The following C1orf21 variants were observed in gnomAD, a reference collection of about 807,000 sequenced individuals.
The protein encoded by C1orf21 is uncharacterized protein C1orf21.
C1orf21 carries 3 observed loss-of-function variants against 18.7 expected under a neutral mutation model. The observed-to-expected ratio is 0.16, with a 90% CI of 0.07 to 0.42. The LOEUF (loss-of-function observed/expected upper bound fraction) is 0.42. Ranked by LOEUF, C1orf21 falls within the 10% of genes least tolerant of loss-of-function variation. The pLI, the probability that C1orf21 is intolerant of heterozygous loss-of-function variation, is 0.99. For missense variants in C1orf21, 104 were observed against 143.6 expected, an observed-to-expected ratio of 0.72 and a Z score of 1.41; for synonymous variants, 41 against 46.4, an observed-to-expected ratio of 0.88 and a Z score of 0.47.
intron 1 of C1orf21, among the ~76,000 whole-genome samples, chr1:184,452,241 A>G (rs990374873): frequency 2.0e-5 from 3 of 152,212 alleles, no homozygotes; most frequent in African/African-American, 7.2e-5. Context: ...AGATGATGGT[A>G]TGGCCACCAT....
chr1:184,457,309 G>A (rs1366051398), intron 1 of C1orf21, among the ~76,000 whole-genome samples: 1 of 152,120 alleles, frequency 6.6e-6, no homozygotes, highest in Non-Finnish European at 1.5e-5. Flanking sequence ...CTGCTTTCAA[G>A]GGGTTTGTGT....
intron 1 of C1orf21, among the ~76,000 whole-genome samples, chr1:184,427,771 C>T (rs146801480): frequency 7.2e-5 from 11 of 152,290 alleles, no homozygotes; most frequent in South Asian, 2.1e-4. Flanking sequence ...TCTTTGCCAT[C>T]GGCCTTGCTT....
In C1orf21 at chr1:184,492,144, TAAAC is replaced by T. The variant is rs1657825855; in HGVS notation, c.94+14545_94+14548del. 3.3e-5 allele frequency among the ~76,000 whole-genome samples: 5 copies of T among 152,334 alleles called. No homozygotes were observed. In the South Asian group the frequency reaches 1.0e-3, roughly 32 times the overall value. Reference sequence around the variant, plus strand: ...GTAAGGTTTTATTAGAACAAGCACATAAACAAAAACAAGTGGCTGTAAAGCCCAG... The same window carrying T: ...GTAAGGTTTTATTAGAACAAGCACATAAAAACAAGTGGCTGTAAAGCCCAG... On this transcript the variant is annotated intron_variant, in intron 2 of 5. Coordinates refer to ENST00000235307, the MANE Select transcript of C1orf21 (RefSeq NM_030806.4).
In C1orf21 at chr1:184,538,469, T is replaced by C. The variant is rs549605159; in HGVS notation, c.189+30787T>C. Among the ~76,000 whole-genome samples, 3 of 152,330 alleles carry C rather than the reference T, an allele frequency of 2.0e-5. No individual in the cohort carries two copies. In the East Asian group the frequency reaches 5.8e-4, roughly 29 times the overall value. ...TGATGAACAAAACTTTTCATTTTCA[T>C]GAAATCCAATTTTTTTTCTTTTGTT... On this transcript the variant is annotated intron_variant, in intron 3 of 5. Transcript: ENST00000235307.
intron 3 of C1orf21, among the ~76,000 whole-genome samples, chr1:184,563,509 C>T (rs1416654013): frequency 6.6e-6 from 1 of 152,090 alleles, no homozygotes; most frequent in South Asian, 2.1e-4. Context: ...CAACAGCTCC[C>T]CCTAGCATAC....
At chr1:184,502,893 C>T (rs533260811) in intron 2 of C1orf21, among the ~76,000 whole-genome samples, 26 of 151,650 alleles carry the variant, frequency 1.7e-4, no homozygotes, top group Non-Finnish European at 3.5e-4. Context: ...GCCTGGCCAA[C>T]ATGGTGAAAC....
rs778905076 is a variant in C1orf21 at position 184,620,640 on chromosome 1, C to T, written c.*1084C>T. On this transcript the variant is annotated 3_prime_UTR_variant, in exon 6 of 6. Coordinates refer to ENST00000235307, the MANE Select transcript of C1orf21 (RefSeq NM_030806.4). ...TCCTTTTTCTCTTACTTCCAGCACA[C>T]TAGACATAGCAAAAGTGTTTGCCTA... The T allele has an allele frequency of 2.6e-5, 4 of 152,626 alleles. No homozygotes were observed. Among genetic ancestry groups the T allele is most frequent in the African/African-American group, 7.2e-5 (3 of 41,440 alleles). 9.5% of individuals were successfully genotyped at this position (152,626 alleles called of 1,614,324 possible).
chr1:184,483,447 G>A (rs900443623), intron 2 of C1orf21, among the ~76,000 whole-genome samples: 2 of 152,150 alleles, frequency 1.3e-5, no homozygotes, highest in African/African-American at 2.4e-5. Flanking sequence ...CCTGCAGCCC[G>A]CCCCCAAGTG....
chr1:184,590,212 T>C (rs989227030), intron 3 of C1orf21, among the ~76,000 whole-genome samples: 1 of 152,248 alleles, frequency 6.6e-6, no homozygotes, highest in Non-Finnish European at 1.5e-5. Flanking sequence ...GAAGTGTTTC[T>C]TGAATACAGG....
At chr1:184,575,076 A>G (rs1250835906) in intron 3 of C1orf21, among the ~76,000 whole-genome samples, 2 of 152,204 alleles carry the variant, frequency 1.3e-5, no homozygotes, top group Non-Finnish European at 2.9e-5. Flanking sequence ...TCCTGTTTGC[A>G]GAGTTTAGAA....
intron 1 of C1orf21, among the ~76,000 whole-genome samples, chr1:184,411,776 T>C (rs1237192022): frequency 1.3e-5 from 2 of 152,254 alleles, no homozygotes; most frequent in Admixed American, 1.3e-4. Context: ...TGTTCTGTCA[T>C]AAACTTGAAT....
chr1:184,537,033 G>T (rs551556393), intron 3 of C1orf21, among the ~76,000 whole-genome samples: 1 of 152,132 alleles, frequency 6.6e-6, no homozygotes, highest in South Asian at 2.1e-4. Flanking sequence ...CATAGCCCAG[G>T]TTATATACGG....
At chr1:184,533,577 G>A (rs897948856) in intron 3 of C1orf21, among the ~76,000 whole-genome samples, 10 of 152,200 alleles carry the variant, frequency 6.6e-5, no homozygotes, top group Middle Eastern at 3.4e-3. Context: ...TAAATGTTCC[G>A]ACATGATTTT....
At chr1:184,452,188 T>A (rs1007983149) in intron 1 of C1orf21, among the ~76,000 whole-genome samples, 3 of 152,200 alleles carry the variant, frequency 2.0e-5, no homozygotes, top group African/African-American at 7.2e-5. Context: ...AGCTTATTTA[T>A]TGTTTATAAG....
intron 1 of C1orf21, among the ~76,000 whole-genome samples, chr1:184,441,783 T>C (rs1656951719): frequency 6.6e-6 from 1 of 152,238 alleles, no homozygotes. Flanking sequence ...TAAGATAATC[T>C]TAAATTTTTT....
intron 1 of C1orf21, among the ~76,000 whole-genome samples, chr1:184,470,895 C>A (rs78880253): frequency 6.6e-6 from 1 of 150,976 alleles, no homozygotes; most frequent in Non-Finnish European, 1.5e-5. Flanking sequence ...AAAAAAAGAA[C>A]AAGAAAGAGA....
At chr1:184,451,891 T>C (rs1193154985) in intron 1 of C1orf21, among the ~76,000 whole-genome samples, 1 of 152,240 alleles carries the variant, frequency 6.6e-6, no homozygotes, top group Non-Finnish European at 1.5e-5. Flanking sequence ...AAATGCTCCA[T>C]TGAGTGATTA....
intron 3 of C1orf21, among the ~76,000 whole-genome samples, chr1:184,572,283 C>T (rs189939610): frequency 6.6e-6 from 1 of 152,280 alleles, no homozygotes; most frequent in East Asian, 1.9e-4. Flanking sequence ...ATGATTGTGT[C>T]TGTATTCTAG....
intron 1 of C1orf21, among the ~76,000 whole-genome samples, chr1:184,426,740 T>C (rs1285451694): frequency 6.6e-6 from 1 of 152,160 alleles, no homozygotes; most frequent in Non-Finnish European, 1.5e-5. Flanking sequence ...CTAATGCCTT[T>C]CCCTCCCAGT....
Sources: allele counts gnomAD v4.1 joint callset (sites outside exome capture counted in the v4.1 genomes callset), GRCh38; gene constraint gnomAD v4.1.1; transcripts MANE v1.5; gene names NCBI Gene and HGNC (gene_info 2026-07-23, HGNC 2026-07-21).